Variants in TUSC3 observed in about 807,000 individuals in gnomAD.
TUSC3 encodes the protein tumor suppressor candidate 3.
Under a neutral mutation model 44.8 loss-of-function variants are expected in TUSC3, and 45 were observed. The ratio of observed to expected loss-of-function variants is 1.00; its 90% CI spans 0.79 to 1.29. The LOEUF (loss-of-function observed/expected upper bound fraction) is 1.29, where lower values mean the gene tolerates loss of function less well. Among genes scored for constraint, TUSC3 ranks in the 50% most tolerant of loss-of-function variants. The pLI, the probability that TUSC3 is intolerant of heterozygous loss-of-function variation, is 0.00. For synonymous variants in TUSC3, 212 were observed against 152.9 expected (o/e 1.39, Z -2.85); for missense variants, 519 against 437.9 (o/e 1.19, Z -1.65).
rs191557501 is a variant in TUSC3, at chr8:15,461,457, T to G, written n.92-21929T>G. Among the ~76,000 whole-genome samples, 173 of 152,186 alleles carry G rather than the reference T, an allele frequency of 1.1e-3. 1 individual carries two copies. The highest frequency in any genetic ancestry group is 2.1e-3 in the Non-Finnish European group (141 of 67,966). On this transcript the variant is annotated intron_variant and non_coding_transcript_variant, in intron 1 of 5. Coordinates refer to the TUSC3 transcript ENST00000503191. ...TGGTGGAGTCTTTAGGTTTTTGAAG[T>G]GAGCGATCATATCATCAGCAAACAG...
At chr8:15,468,525 T>C (rs1800444300) in intron 1 of TUSC3, among the ~76,000 whole-genome samples, 1 of 152,186 alleles carries the variant, frequency 6.6e-6, no homozygotes, top group Non-Finnish European at 1.5e-5. Flanking sequence ...CTTCACTCTG[T>C]CAAATTAGCA....
At chr8:15,443,852 C>G (rs767602290) in intron 1 of TUSC3, among the ~76,000 whole-genome samples, 1 of 152,098 alleles carries the variant, frequency 6.6e-6, no homozygotes, top group African/African-American at 2.4e-5. Context: ...ACCACCCAGA[C>G]GGATAAACTG....
chr8:15,785,107 C>A, the TUSC3 span, among the ~76,000 whole-genome samples: 4 of 152,070 alleles, frequency 2.6e-5, no homozygotes, highest in East Asian at 7.8e-4. Context: ...GAATGAATTT[C>A]TAACATATTA....
Position 15,469,654 on chromosome 8 carries a change from C to G in TUSC3, n.92-13732C>G, listed in dbSNP as rs1800458939. Reference sequence around the variant, plus strand: ...ACAGTTATGCTCCTTGGTATTTACCCAAATGAATTGAAAACTTACGTCCAT... The same window carrying G: ...ACAGTTATGCTCCTTGGTATTTACCGAAATGAATTGAAAACTTACGTCCAT... On this transcript the variant is annotated intron_variant and non_coding_transcript_variant, in intron 1 of 5. Coordinates refer to the TUSC3 transcript ENST00000503191. 2.0e-5 allele frequency among the ~76,000 whole-genome samples: 3 copies of G among 152,272 alleles called. No homozygotes were observed. In the South Asian group the frequency reaches 6.2e-4, roughly 32 times the overall value.
At chr8:15,626,787 C>T (rs1381884022) in intron 2 of TUSC3, among the ~76,000 whole-genome samples, 4 of 152,202 alleles carry the variant, frequency 2.6e-5, no homozygotes, top group Admixed American at 2.6e-4. Context: ...GCCTCAGTCC[C>T]CTCTGGACTT....
intron 2 of TUSC3, among the ~76,000 whole-genome samples, chr8:15,523,664 ATGTGTGTGTG>A (rs869090876): frequency 0.01 from 437 of 42,388 alleles, 16 homozygotes; most frequent in African/African-American, 0.035. Context: ...ATATATATAT[ATGTGTGTGTG>A]TGTGTGTGTG....
At chr8:15,782,033 G>A in the TUSC3 span, among the ~76,000 whole-genome samples, 2 of 152,210 alleles carry the variant, frequency 1.3e-5, no homozygotes. Flanking sequence ...TACTTGGGAG[G>A]CTGAGGCAGG....
chr8:15,844,143 C>T, the TUSC3 span, among the ~76,000 whole-genome samples: 5 of 152,058 alleles, frequency 3.3e-5, no homozygotes, highest in South Asian at 2.1e-4. Flanking sequence ...TGCACCATGA[C>T]AAACAATTTT....
At chr8:15,728,590 T>A (rs922614308) in intron 6 of TUSC3, among the ~76,000 whole-genome samples, 1 of 152,106 alleles carries the variant, frequency 6.6e-6, no homozygotes. Flanking sequence ...GTTACTCTCC[T>A]GAGTTAGGGG....
At chr8:15,817,439 G>C in the TUSC3 span, among the ~76,000 whole-genome samples, 7 of 151,998 alleles carry the variant, frequency 4.6e-5, no homozygotes, top group African/African-American at 1.2e-4. Flanking sequence ...GGTTTGGCTT[G>C]GTCTCCACCT....
At chr8:15,591,971 G>T (rs1276434979) in intron 1 of TUSC3, among the ~76,000 whole-genome samples, 5 of 152,186 alleles carry the variant, frequency 3.3e-5, no homozygotes, top group Non-Finnish European at 1.5e-5. Context: ...AAAACAAGTG[G>T]AAATGGGGAA....
chr8:15,522,327 G>A (rs745479370), intron 2 of TUSC3, among the ~76,000 whole-genome samples: 31 of 151,994 alleles, frequency 2.0e-4, no homozygotes, highest in Admixed American at 5.2e-4. Context: ...CTGCCTCCCG[G>A]GTTCAAGCAA....
chr8:15,611,009 C>CA (rs932514361), intron 1 of TUSC3, among the ~76,000 whole-genome samples: 27 of 151,748 alleles, frequency 1.8e-4, no homozygotes, highest in African/African-American at 6.5e-4. Context: ...GCTTCTTTTT[C>CA]AAAAAAAGTG....
chr8:15,769,176 A>G (rs770258528), downstream of TUSC3, among the ~76,000 whole-genome samples: 4 of 152,216 alleles, frequency 2.6e-5, no homozygotes, highest in Non-Finnish European at 5.9e-5. Context: ...ACTTCAAACT[A>G]TACTACAAAG....
chr8:15,805,254 G>A, the TUSC3 span, among the ~76,000 whole-genome samples: 141 of 152,090 alleles, frequency 9.3e-4, no homozygotes, highest in African/African-American at 3.2e-3. Context: ...GGTTTTCTAG[G>A]TATATAATCA....
At chr8:15,822,556 G>C in the TUSC3 span, among the ~76,000 whole-genome samples, 1 of 152,142 alleles carries the variant, frequency 6.6e-6, no homozygotes, top group African/African-American at 2.4e-5. Flanking sequence ...CTGCTGGTCT[G>C]AGGACCACAC....
intron 1 of TUSC3, among the ~76,000 whole-genome samples, chr8:15,468,507 G>C (rs963633644): frequency 6.6e-6 from 1 of 152,040 alleles, no homozygotes; most frequent in African/African-American, 2.4e-5. Flanking sequence ...TTAGATGTCT[G>C]TTTCCCTCTT....
At chr8:15,448,867 T>C (rs749885500) in intron 1 of TUSC3, among the ~76,000 whole-genome samples, 4 of 152,192 alleles carry the variant, frequency 2.6e-5, no homozygotes, top group Non-Finnish European at 5.9e-5. Flanking sequence ...AAGATCATAG[T>C]AGAGGTGAAA....
chr8:15,793,251 C>G, the TUSC3 span, among the ~76,000 whole-genome samples: 1 of 152,170 alleles, frequency 6.6e-6, no homozygotes, highest in East Asian at 1.9e-4. Flanking sequence ...ACTATGGAAA[C>G]TCTGCTGCTT....
Sources: gnomAD v4.1 joint callset for allele counts (sites outside exome capture counted in the v4.1 genomes callset) on GRCh38, gnomAD v4.1.1 for gene constraint, MANE v1.5 for transcripts, NCBI Gene and HGNC (gene_info 2026-07-23, HGNC 2026-07-21) for gene names.